PSMB2: variants seen among roughly 807,000 people sequenced by gnomAD.
PSMB2 encodes the protein proteasome subunit beta type-2.
In PSMB2, 13 loss-of-function variants were observed where a neutral mutation model predicts 25.7. That is an observed-to-expected ratio of 0.51 (90% CI 0.33 to 0.80). PSMB2 has a LOEUF of 0.80. Ranked by LOEUF, PSMB2 falls within the 30% of genes least tolerant of loss-of-function variation. PSMB2 has a pLI of 0.02. For missense variants in PSMB2, 202 were observed against 259.0 expected (o/e 0.78, Z 1.51); for synonymous variants, 87 against 96.2 (o/e 0.90, Z 0.56).
chr1:35,620,026 T>G (rs752551165), intron 3 of PSMB2, among the ~76,000 whole-genome samples: 2 of 152,200 alleles, frequency 1.3e-5, no homozygotes, highest in Non-Finnish European at 2.9e-5. Flanking sequence ...AGTCAGTTTT[T>G]AAAAATCTCA....
chr1:35,624,162 TC>T (rs1650778751), intron 3 of PSMB2, among the ~76,000 whole-genome samples: 1 of 152,088 alleles, frequency 6.6e-6, no homozygotes, highest in African/African-American at 2.4e-5. Context: ...TCTTTCCCAT[TC>T]CCTAAAAAAA....
chr1:35,600,683 G>A lies in PSMB2; in HGVS notation c.*2584C>T, dbSNP rs148181283. The A allele has an allele frequency of 4.2e-4, 412 of 985,302 alleles. 3 individuals carry two copies. In the Middle Eastern group the frequency reaches 7.3e-3, roughly 17 times the overall value. 61.0% of individuals were successfully genotyped at this position (985,302 alleles called of 1,614,324 possible). On this transcript the variant is annotated 3_prime_UTR_variant, in exon 6 of 6. Coordinates refer to ENST00000373237, the MANE Select transcript of PSMB2 (RefSeq NM_002794.5). ...TAAATCTGGAGGGTGAGCTATCTAGGAATGAGTTGATTTGGAGCTCAGGAA... is the reference window on the plus strand; with the variant it reads ...TAAATCTGGAGGGTGAGCTATCTAGAAATGAGTTGATTTGGAGCTCAGGAA...
intron 3 of PSMB2, among the ~76,000 whole-genome samples, chr1:35,622,567 G>A (rs1650720160): frequency 6.6e-6 from 1 of 152,104 alleles, no homozygotes; most frequent in Non-Finnish European, 1.5e-5. Context: ...GATGCTTTAA[G>A]TGAAAAGTTG....
chr1:35,636,238 C>A (rs908105666), intron 2 of PSMB2, 72 bp downstream of exon 2: 25 of 1,568,108 alleles, frequency 1.6e-5, no homozygotes, highest in Non-Finnish European at 2.1e-5. Flanking sequence ...GTTTAAGCCA[C>A]CCAGTCTGTG....
intron 3 of PSMB2, among the ~76,000 whole-genome samples, chr1:35,628,596 A>AAAAAAAAATATATATAT (rs59538661): frequency 4.0e-5 from 1 of 25,094 alleles, no homozygotes; most frequent in Non-Finnish European, 7.6e-5. Flanking sequence ...AAAAAAAAAA[A>AAAAAAAAATATATATAT]ATATATATAT....
intron 5 of PSMB2, 54 bp downstream of exon 5, chr1:35,605,179 A>C: frequency 7.8e-6 from 12 of 1,533,114 alleles, no homozygotes; most frequent in Non-Finnish European, 1.1e-5. Flanking sequence ...CAGGAACAAC[A>C]CTGGCAAACA....
intron 3 of PSMB2, among the ~76,000 whole-genome samples, chr1:35,611,838 G>GGA (rs144144116): frequency 0.12 from 17,529 of 148,648 alleles, 2,420 homozygotes; most frequent in East Asian, 0.67. Context: ...AAAAAAAAAA[G>GGA]GAGAGAGAGA....
rs376107424 is a variant in PSMB2 at position 35,605,190 on chromosome 1, G to A, written c.498+43C>T. 25 of 1,563,168 alleles carry A rather than the reference G, an allele frequency of 1.6e-5. No individual in the cohort carries two copies. In the African/African-American group the frequency reaches 2.3e-4, roughly 15 times the overall value. ...GGAACAGGAACAACACTGGCAAACAGAGAGACAAACATTCCTTTCAGGATC... is the reference window on the plus strand; with the variant it reads ...GGAACAGGAACAACACTGGCAAACAAAGAGACAAACATTCCTTTCAGGATC... On this transcript the variant is annotated intron_variant, in intron 5 of 5. Coordinates refer to ENST00000373237, the MANE Select transcript of PSMB2 (RefSeq NM_002794.5).
At position 35,600,550 on chromosome 1, in the gene PSMB2, C is replaced by T. The variant is rs147221735; in HGVS notation, c.*2717G>A. On this transcript the variant is annotated 3_prime_UTR_variant, in exon 6 of 6. Coordinates refer to ENST00000373237, the MANE Select transcript of PSMB2 (RefSeq NM_002794.5). ...GATGCCTGGGTTTCTGACTTGGGCA[C>T]TTGGGAAACCAGGTAGCTCTAATTC... is the stretch of plus-strand genomic sequence containing the variant. 2.2e-4 allele frequency: 220 copies of T among 985,326 alleles called. No individual in the cohort carries two copies. The Middle Eastern group carries it at 2.6e-3, about 12-fold the overall frequency. The allele number at this position is 985,326 out of a possible 1,614,324, so 61.0% of individuals were successfully genotyped here.
At chr1:35,603,410 G>A (rs1650065900) in intron 5 of PSMB2, 36 bp from the exon 6 acceptor site, 4 of 1,610,702 alleles carry the variant, frequency 2.5e-6, no homozygotes, top group Non-Finnish European at 3.4e-6. Flanking sequence ...GTCAACAAAT[G>A]ATTACTAAGT....
chr1:35,608,845 C>T (rs935491102), intron 4 of PSMB2, among the ~76,000 whole-genome samples: 1 of 152,170 alleles, frequency 6.6e-6, no homozygotes, highest in Admixed American at 6.5e-5. Context: ...AACAAATATA[C>T]AGCTACTTGC....
At chr1:35,614,759 C>T (rs927112540) in intron 3 of PSMB2, among the ~76,000 whole-genome samples, 1 of 152,122 alleles carries the variant, frequency 6.6e-6, no homozygotes, top group African/African-American at 2.4e-5. Flanking sequence ...AATTGATATA[C>T]AAAGAAAAAA....
At chr1:35,623,795 A>G (rs1169623220) in intron 3 of PSMB2, among the ~76,000 whole-genome samples, 1 of 152,242 alleles carries the variant, frequency 6.6e-6, no homozygotes, top group Non-Finnish European at 1.5e-5. Flanking sequence ...CACGTTTGCC[A>G]AAAATCATGT....
At position 35,602,911 on chromosome 1, in the gene PSMB2, C is replaced by A; in HGVS notation, c.*356G>T. The A allele has an allele frequency of 7.0e-6, 7 of 1,000,458 alleles. No homozygotes were observed. The highest frequency in any genetic ancestry group is 8.4e-6 in the Non-Finnish European group (7 of 837,662). 62.0% of individuals were successfully genotyped at this position (1,000,458 alleles called of 1,614,324 possible). On this transcript the variant is annotated 3_prime_UTR_variant, in exon 6 of 6. Transcript: ENST00000373237. The stretch of plus-strand genomic sequence containing the variant: ...AATTTAAGTTTAAGGGCAAAAAGAA[C>A]CACTACTTTAGAGAGAATGGAGATA...
intron 2 of PSMB2, among the ~76,000 whole-genome samples, chr1:35,631,973 G>A (rs1009375092): frequency 1.3e-5 from 2 of 152,050 alleles, no homozygotes; most frequent in African/African-American, 4.8e-5. Context: ...AGTTATGACT[G>A]TGCCACTGCA....
At chr1:35,611,354 G>C (rs1462436536) in intron 3 of PSMB2, among the ~76,000 whole-genome samples, 1 of 151,908 alleles carries the variant, frequency 6.6e-6, no homozygotes, top group Non-Finnish European at 1.5e-5. Flanking sequence ...GAGGGGTTGG[G>C]AGGGGAGTAA....
intron 3 of PSMB2, among the ~76,000 whole-genome samples, chr1:35,624,471 G>A (rs573082609): frequency 6.6e-6 from 1 of 151,192 alleles, no homozygotes; most frequent in African/African-American, 2.4e-5. Flanking sequence ...CTGAACACTT[G>A]GCTGGGTGCA....
At chr1:35,614,503 G>C (rs945701278) in intron 3 of PSMB2, among the ~76,000 whole-genome samples, 1 of 152,214 alleles carries the variant, frequency 6.6e-6, no homozygotes, top group Non-Finnish European at 1.5e-5. Context: ...TGTTTAGATA[G>C]TAAGTCTAAG....
intron 3 of PSMB2, among the ~76,000 whole-genome samples, chr1:35,624,511 G>C (rs1650790805): frequency 6.6e-6 from 1 of 151,898 alleles, no homozygotes. Flanking sequence ...CCAGTACTTT[G>C]GGAGGCTGAG....
Sources: gnomAD v4.1 joint callset for allele counts (sites outside exome capture counted in the v4.1 genomes callset) on GRCh38, gnomAD v4.1.1 for gene constraint, MANE v1.5 for transcripts, NCBI Gene and HGNC (gene_info 2026-07-23, HGNC 2026-07-21) for gene names.